Variants in IRF8 observed in about 807,000 individuals in gnomAD.
The protein encoded by IRF8 is interferon consensus sequence binding protein 1.
IRF8 carries 14 observed loss-of-function variants against 48.7 expected under a neutral mutation model. That is an observed-to-expected ratio of 0.29 (90% CI 0.19 to 0.45). The LOEUF (loss-of-function observed/expected upper bound fraction) is 0.45, where lower values mean the gene tolerates loss of function less well. Among genes scored for constraint, IRF8 ranks in the 20% least tolerant of loss-of-function variants. IRF8 has a pLI of 1.00. For synonymous variants in IRF8, 278 were observed against 227.3 expected, an observed-to-expected ratio of 1.22 and a Z score of -2.01; for missense variants, 493 against 580.7, an observed-to-expected ratio of 0.85 and a Z score of 1.55.
chr16:85,908,447 AC>A (rs748749557), intron 2 of IRF8, among the ~76,000 whole-genome samples: 1 of 152,178 alleles, frequency 6.6e-6, no homozygotes, highest in Non-Finnish European at 1.5e-5. Context: ...TTTAAACAGC[AC>A]CTGGGGGGAA....
intron 7 of IRF8, among the ~76,000 whole-genome samples, chr16:85,919,589 G>T (rs1289696758): frequency 6.6e-6 from 1 of 152,210 alleles, no homozygotes; most frequent in Non-Finnish European, 1.5e-5. Context: ...GCACAGAAGT[G>T]CGTCCTGCAA....
At chr16:85,912,378 G>A (rs911431373) in intron 4 of IRF8, among the ~76,000 whole-genome samples, 5 of 152,248 alleles carry the variant, frequency 3.3e-5, no homozygotes, top group Admixed American at 2.6e-4. Context: ...TTGTGTGTGA[G>A]TACTGCATAA....
chr16:85,913,270 A>G, intron 5 of IRF8, 34 bp downstream of exon 5: 2 of 1,477,664 alleles, frequency 1.4e-6, no homozygotes, highest in Non-Finnish European at 1.9e-6. Flanking sequence ...GTCACCAGGC[A>G]TGGCCTGAAG....
intron 7 of IRF8, 70 bp from the exon 8 acceptor site, chr16:85,920,039 C>A: frequency 1.8e-6 from 2 of 1,125,276 alleles, no homozygotes; most frequent in Non-Finnish European, 2.7e-6. Flanking sequence ...GATCCCCCAG[C>A]CCTGCTGCTG....
intron 5 of IRF8, among the ~76,000 whole-genome samples, chr16:85,913,699 C>G (rs1008482723): frequency 4.6e-5 from 7 of 152,218 alleles, no homozygotes; most frequent in Non-Finnish European, 1.0e-4. Flanking sequence ...AGACCAGGAA[C>G]AGGAAGTTTG....
intron 1 of IRF8, among the ~76,000 whole-genome samples, 192 bp downstream of exon 1, chr16:85,899,415 C>A (rs1040684129): frequency 3.9e-5 from 6 of 152,238 alleles, no homozygotes; most frequent in African/African-American, 1.2e-4. Context: ...ATGCCCAAGT[C>A]GTTGATTGTC....
chr16:85,912,136 C>T (rs1280227419), intron 4 of IRF8, among the ~76,000 whole-genome samples: 1 of 152,192 alleles, frequency 6.6e-6, no homozygotes, highest in Admixed American at 6.5e-5. Context: ...TATTCCTTAA[C>T]GGATTGGAAA....
chr16:85,921,332 T>C lies in IRF8; in HGVS notation c.*50T>C. 1 of 1,569,708 alleles carries C rather than the reference T, an allele frequency of 6.4e-7. No individual in the cohort carries two copies. On this transcript the variant is annotated 3_prime_UTR_variant, in exon 9 of 9. Coordinates refer to ENST00000268638, the MANE Select transcript of IRF8 (RefSeq NM_002163.4). ...CGTCTGCGTCCTGCATCCATCTCCC[T>C]GTTACAGTGGCCCGCATCATGATTA... is the stretch of plus-strand genomic sequence containing the variant.
At chr16:85,904,607 TACTG>T (rs1275874279) in intron 2 of IRF8, among the ~76,000 whole-genome samples, 1 of 152,142 alleles carries the variant, frequency 6.6e-6, no homozygotes, top group Non-Finnish European at 1.5e-5. Context: ...TGATGCCCAT[TACTG>T]ACCACGCCAA....
intron 7 of IRF8, among the ~76,000 whole-genome samples, chr16:85,919,238 G>A (rs1160531037): frequency 2.0e-5 from 3 of 152,148 alleles, no homozygotes; most frequent in African/African-American, 4.8e-5. Flanking sequence ...CTGACTTTCC[G>A]CACACTAAGT....
intron 7 of IRF8, 71 bp downstream of exon 7, chr16:85,918,874 G>A: frequency 1.3e-6 from 2 of 1,576,870 alleles, no homozygotes; most frequent in South Asian, 1.1e-5. Context: ...GCCATTTGCA[G>A]CTCAGGGTGG....
At chr16:85,904,112 C>T (rs1904915437) in intron 2 of IRF8, among the ~76,000 whole-genome samples, 1 of 152,236 alleles carries the variant, frequency 6.6e-6, no homozygotes, top group South Asian at 2.1e-4. Flanking sequence ...CAGGTTTCAC[C>T]TCTGGGAGAT....
chr16:85,900,148 G>C (rs1904784225), intron 1 of IRF8, among the ~76,000 whole-genome samples: 2 of 152,312 alleles, frequency 1.3e-5, no homozygotes, highest in East Asian at 1.9e-4. Context: ...TTCTGGTCTA[G>C]TGATGCGGGT....
At position 85,912,423 on chromosome 16, in the gene IRF8, C is replaced by T. The variant is rs530432490; in HGVS notation, c.448-708C>T. The stretch of plus-strand genomic sequence containing the variant: ...CTTAATAACATAGCAATAATGGAAT[C>T]CTTAAGAGTAGCTTGGCTGTCAGAG... On this transcript the variant is annotated intron_variant, in intron 4 of 8. Transcript: ENST00000268638. Among the ~76,000 whole-genome samples, 22 of 152,300 alleles carry T rather than the reference C, an allele frequency of 1.4e-4. No homozygotes were observed. The South Asian group carries it at 4.4e-3, about 30-fold the overall frequency.
At chr16:85,909,475 A>C in intron 3 of IRF8, 1 of 406,306 alleles carries the variant, frequency 2.5e-6, no homozygotes, top group Non-Finnish European at 4.6e-6. Flanking sequence ...GAATCCTTTC[A>C]TTTTCCAGCA....
intron 3 of IRF8, chr16:85,909,425 C>A (rs781608170): frequency 3.9e-6 from 2 of 519,032 alleles, no homozygotes; most frequent in Non-Finnish European, 7.0e-6. Flanking sequence ...GTAGGGCCTC[C>A]CTGGACAGGA....
Position 85,912,999 on chromosome 16 carries a change from CT to C in IRF8, c.448-128del, listed in dbSNP as rs1238712015. ...TTTCAGGTTGCAAAGTGAAACTTGA[CT>C]TTTGTCTCCTGAGATAAAGGTGACA... On this transcript the variant is annotated intron_variant, in intron 4 of 8. Coordinates refer to ENST00000268638, the MANE Select transcript of IRF8 (RefSeq NM_002163.4). 38 of 798,458 alleles carry C rather than the reference CT, an allele frequency of 4.8e-5. No individual in the cohort carries two copies. In the East Asian group the frequency reaches 9.3e-4, roughly 19 times the overall value. 49.5% of individuals were successfully genotyped at this position (798,458 alleles called of 1,614,324 possible). A position where few individuals can be genotyped will look rare whatever the true frequency, so the allele number is the denominator to read the frequency against.
intron 8 of IRF8, 79 bp downstream of exon 8, chr16:85,920,303 A>G (rs35593615): frequency 0.15 from 141,538 of 971,562 alleles, 11,711 homozygotes; most frequent in Middle Eastern, 0.22. Flanking sequence ...CTGGTGTGCA[A>G]TGGCGTGACC....
intron 2 of IRF8, among the ~76,000 whole-genome samples, chr16:85,905,540 G>A (rs1187913162): frequency 2.0e-5 from 3 of 152,212 alleles, no homozygotes; most frequent in Admixed American, 6.5e-5. Context: ...GGAGGGAGAC[G>A]CGGGTGCCCA....
Sources: gnomAD v4.1 joint callset for allele counts (sites outside exome capture counted in the v4.1 genomes callset) on GRCh38, gnomAD v4.1.1 for gene constraint, MANE v1.5 for transcripts, NCBI Gene and HGNC (gene_info 2026-07-23, HGNC 2026-07-21) for gene names.